ACACA: variants seen among roughly 807,000 people sequenced by gnomAD.
The protein encoded by ACACA is acetyl-CoA carboxylase 1.
ACACA carries 103 observed loss-of-function variants against 296.1 expected under a neutral mutation model. The observed-to-expected ratio is 0.35, with a 90% CI of 0.30 to 0.41. The LOEUF is 0.41. Among genes scored for constraint, ACACA ranks in the 10% least tolerant of loss-of-function variants. ACACA has a pLI of 1.00. For missense variants in ACACA, 1,554 were observed against 2,989.7 expected (o/e 0.52, Z 11.20); for synonymous variants, 953 against 1,038.6 (o/e 0.92, Z 1.58).
chr17:37,379,494 T>C, intron 1 of ACACA: 1 of 1,339,354 alleles, frequency 7.5e-7, no homozygotes, highest in South Asian at 1.5e-5. Flanking sequence ...ATCCACTTTT[T>C]GATGGGGTTG....
chr17:37,146,830 C>T (rs1019509273), intron 45 of ACACA, among the ~76,000 whole-genome samples: 2 of 129,576 alleles, frequency 1.5e-5, no homozygotes, highest in Non-Finnish European at 3.3e-5. Context: ...TTATTTCAGT[C>T]CCCCCCAAAA....
chr17:37,188,510 C>T (rs551570031), intron 38 of ACACA, 30 bp from the exon 39 acceptor site: 3 of 1,608,720 alleles, frequency 1.9e-6, no homozygotes, highest in Non-Finnish European at 1.7e-6. Context: ...AAGCACAAAA[C>T]TTAAATATCT....
intron 18 of ACACA, among the ~76,000 whole-genome samples, chr17:37,247,370 A>ATTTTTTT: frequency 9.3e-6 from 1 of 107,628 alleles, no homozygotes; most frequent in African/African-American, 5.8e-5. Context: ...ACATTTGTGA[A>ATTTTTTT]TTTCTTTTTT....
rs189600588 is a variant in ACACA at position 37,350,576 on chromosome 17, G to A, written c.39-10726C>T. On this transcript the variant is annotated intron_variant, in intron 1 of 55. Transcript: ENST00000616317. ...TGTTTCGGGCTGGGCGTGGTGGTTC[G>A]CACCTGTAATCCTAGCACTTTGGGA... Among the ~76,000 whole-genome samples, 562 of 152,188 alleles carry A rather than the reference G, an allele frequency of 3.7e-3. 2 individuals carry two copies. Among genetic ancestry groups the A allele is most frequent in the Non-Finnish European group, 5.7e-3 (390 of 67,994 alleles).
Position 37,305,910 on chromosome 17 carries a change from T to G in ACACA, c.339-20940A>C, listed in dbSNP as rs919398830. 2.9e-4 allele frequency among the ~76,000 whole-genome samples: 42 copies of G among 145,100 alleles called. 1 individual carries two copies. The highest frequency in any genetic ancestry group is 7.0e-4 in the African/African-American group (28 of 40,046). On this transcript the variant is annotated intron_variant, in intron 3 of 55. Coordinates refer to ENST00000616317, the MANE Select transcript of ACACA (RefSeq NM_198834.3). Reference sequence around the variant, plus strand: ...TTTAGCAGTTTTTTTTTTTGTTTTTTTTTTTTTTTTTTTTTTGAGACGGAG... The same window carrying G: ...TTTAGCAGTTTTTTTTTTTGTTTTTGTTTTTTTTTTTTTTTTGAGACGGAG...
intron 37 of ACACA, 110 bp downstream of exon 37, chr17:37,191,980 T>G (rs2077775878): frequency 5.3e-6 from 6 of 1,122,278 alleles, no homozygotes; most frequent in Non-Finnish European, 7.8e-6. Context: ...GAAAACCTGA[T>G]CTTTTTTTTA....
chr17:37,401,713 C>T lies in ACACA; in HGVS notation c.38+4549G>A, dbSNP rs572474445. Among the ~76,000 whole-genome samples the T allele has an allele frequency of 3.4e-4, 52 of 152,212 alleles. 2 individuals are homozygous for T. The South Asian group carries it at 0.011, about 31-fold the overall frequency. On this transcript the variant is annotated intron_variant, in intron 1 of 55. Coordinates refer to ENST00000616317, the MANE Select transcript of ACACA (RefSeq NM_198834.3). ...AGCTGGGACCACAGGCGTGTGCTAT[C>T]ATGCCCAGCTAATTTTTTGATTTTT... is the stretch of plus-strand genomic sequence containing the variant.
chr17:37,305,948 G>A (rs186107997), intron 3 of ACACA, among the ~76,000 whole-genome samples: 27 of 121,262 alleles, frequency 2.2e-4, no homozygotes, highest in African/African-American at 7.4e-4. Flanking sequence ...TTGTTCTGTC[G>A]CCCGGGCTGG....
intron 1 of ACACA, among the ~76,000 whole-genome samples, chr17:37,397,749 T>C (rs1294013710): frequency 6.6e-6 from 1 of 152,194 alleles, no homozygotes; most frequent in Non-Finnish European, 1.5e-5. Flanking sequence ...TCCATGTTTA[T>C]ACTGAAATTT....
intron 45 of ACACA, among the ~76,000 whole-genome samples, chr17:37,148,776 C>T (rs2075919737): frequency 6.6e-6 from 1 of 151,908 alleles, no homozygotes; most frequent in Admixed American, 6.6e-5. Flanking sequence ...ACTATGTTGT[C>T]AGGCTGGATT....
chr17:37,142,895 G>T (rs2075651572), intron 45 of ACACA, among the ~76,000 whole-genome samples: 1 of 152,198 alleles, frequency 6.6e-6, no homozygotes, highest in Non-Finnish European at 1.5e-5. Flanking sequence ...TGCCTTCAAA[G>T]AATCAGAAAG....
chr17:37,341,426 C>T (rs927805447), intron 1 of ACACA, among the ~76,000 whole-genome samples: 1 of 152,122 alleles, frequency 6.6e-6, no homozygotes, highest in Admixed American at 6.6e-5. Flanking sequence ...TGTGGTGGCT[C>T]ACACCTGTAA....
intron 1 of ACACA, among the ~76,000 whole-genome samples, chr17:37,369,218 G>A (rs1344497160): frequency 1.3e-5 from 2 of 152,146 alleles, no homozygotes; most frequent in African/African-American, 2.4e-5. Flanking sequence ...AACAGGCCAG[G>A]TACCAGTGGC....
intron 10 of ACACA, among the ~76,000 whole-genome samples, chr17:37,266,876 C>T (rs2146330279): frequency 6.6e-6 from 1 of 152,240 alleles, no homozygotes; most frequent in Admixed American, 6.5e-5. Flanking sequence ...GCCAATTGTT[C>T]CATTATTACA....
At chr17:37,358,482 G>C (rs1209475495) in intron 1 of ACACA, among the ~76,000 whole-genome samples, 1 of 152,164 alleles carries the variant, frequency 6.6e-6, no homozygotes, top group South Asian at 2.1e-4. Context: ...CCTGGCTCTC[G>C]CCACGATACA....
intron 39 of ACACA, among the ~76,000 whole-genome samples, chr17:37,182,977 G>C (rs1598095601): frequency 6.6e-6 from 1 of 152,260 alleles, no homozygotes; most frequent in South Asian, 2.1e-4. Context: ...AAGTCACCCG[G>C]GGGGAAGCAG....
rs1165007362 is a variant in ACACA, at chr17:37,161,914, G to A, written c.5216C>T (p.Ala1739Val). The change falls in exon 42 of 56, where the codon GCT becomes GTT. Residue 1739 changes from alanine (A) to valine (V), a missense_variant. Around this residue, in one of 16 missense-constraint regions of ACACA, gnomAD observed 553 missense variants for 1,043.6 expected, o/e 0.53. Transcript: ENST00000616317. The stretch of plus-strand genomic sequence containing the variant: ...ACCTTCTGCCCTAGCAAGTTCGGAA[G>A]CTCTGAGAAATAACAAATCCTCTTG... ...GPQEDLLFLRASELARAEGIP... is the reference protein window; with the variant it reads ...GPQEDLLFLRVSELARAEGIP... The A allele has an allele frequency of 6.2e-7, 1 of 1,614,192 alleles. No homozygotes were observed. Among genetic ancestry groups the A allele is most frequent in the Admixed American group, 1.7e-5 (1 of 60,028 alleles).
At chr17:37,398,940 T>C (rs1389011549) in intron 1 of ACACA, among the ~76,000 whole-genome samples, 11 of 149,770 alleles carry the variant, frequency 7.3e-5, no homozygotes, top group Non-Finnish European at 1.6e-4. Flanking sequence ...TCATTTTACA[T>C]AGGAGGAGAA....
intron 51 of ACACA, among the ~76,000 whole-genome samples, chr17:37,111,964 G>C (rs1414823626): frequency 3.3e-5 from 5 of 152,014 alleles, no homozygotes; most frequent in African/African-American, 9.7e-5. Context: ...ATTTTCCAGG[G>C]GAAAAAAATG....
Sources: gnomAD v4.1 joint callset for allele counts (sites outside exome capture counted in the v4.1 genomes callset) on GRCh38, gnomAD v4.1.1 for gene constraint, gnomAD v4.1.1 regional missense constraint, MANE v1.5 for transcripts, NCBI Gene and HGNC (gene_info 2026-07-23, HGNC 2026-07-21) for gene names.